The following DSCAM variants were observed in gnomAD, a reference collection of about 807,000 sequenced individuals.
DSCAM encodes cell adhesion molecule DSCAM.
In DSCAM, 47 loss-of-function variants were observed where a neutral mutation model predicts 217.7. The observed-to-expected ratio is 0.22, with a 90% confidence interval of 0.17 to 0.28. The LOEUF (loss-of-function observed/expected upper bound fraction) is 0.28. DSCAM is among the 10% of genes least tolerant of loss of function. DSCAM has a pLI of 1.00. For synonymous variants in DSCAM, 1,056 were observed against 1,015.3 expected, an observed-to-expected ratio of 1.04 and a Z score of -0.76; for missense variants, 2,080 against 2,618.3, an observed-to-expected ratio of 0.79 and a Z score of 4.49.
chr21:40,432,752 A>C (rs1293343548), intron 3 of DSCAM, among the ~76,000 whole-genome samples: 1 of 152,162 alleles, frequency 6.6e-6, no homozygotes, highest in Non-Finnish European at 1.5e-5. Flanking sequence ...GACATGCATC[A>C]ACTTACTAAA....
chr21:40,091,470 T>C (rs1054692863), intron 21 of DSCAM, among the ~76,000 whole-genome samples: 2 of 151,984 alleles, frequency 1.3e-5, no homozygotes, highest in African/African-American at 4.8e-5. Flanking sequence ...TCTTCTCTCT[T>C]CACATAACCG....
In DSCAM at chr21:40,187,918, G is replaced by T. The variant is rs529833693; in HGVS notation, c.2623C>A (p.Arg875Ser). 2.5e-6 allele frequency: 4 copies of T among 1,613,882 alleles called. No individual in the cohort carries two copies. Among genetic ancestry groups the T allele is most frequent in the Non-Finnish European group, 3.4e-6 (4 of 1,179,928 alleles). ...CHAINSYGED[R>S]GIIQLTVQEP... is the part of the protein sequence containing the mutation. The stretch of plus-strand genomic sequence containing the variant: ...TGCACTGTGAGCTGAATTATTCCAC[G>T]GTCCTCCCCATAAGAATTAATAGCA... The change falls in exon 13 of 33, where the codon CGT becomes AGT. Residue 875 changes from arginine to serine, a missense_variant. Physicochemically the swap from Arg to Ser is moderately radical, Grantham distance 110. Coordinates refer to ENST00000400454, the MANE Select transcript of DSCAM (RefSeq NM_001389.5).
chr21:40,471,577 T>G (rs978878338), intron 3 of DSCAM, among the ~76,000 whole-genome samples: 1 of 152,152 alleles, frequency 6.6e-6, no homozygotes, highest in African/African-American at 2.4e-5. Context: ...TTTTTTCTTA[T>G]TTTATTGCTG....
At chr21:40,512,727 TA>T (rs2076269521) in intron 3 of DSCAM, among the ~76,000 whole-genome samples, 1 of 151,234 alleles carries the variant, frequency 6.6e-6, no homozygotes, top group South Asian at 2.1e-4. Flanking sequence ...GCCATAAGAG[TA>T]ACAGTGCTCT....
intron 3 of DSCAM, among the ~76,000 whole-genome samples, chr21:40,509,695 A>C (rs1261149501): frequency 2.0e-5 from 3 of 152,116 alleles, no homozygotes; most frequent in Admixed American, 2.0e-4. Flanking sequence ...ATGTAATCAC[A>C]TTAAAAAACA....
chr21:40,665,706 G>A (rs2090191519), intron 3 of DSCAM, among the ~76,000 whole-genome samples: 1 of 152,160 alleles, frequency 6.6e-6, no homozygotes, highest in Non-Finnish European at 1.5e-5. Context: ...TGGCACTACT[G>A]CTCACCGTTC....
rs922168936 is a variant in DSCAM at position 40,115,635 on chromosome 21, T to C, written c.3696+8560A>G. Among the ~76,000 whole-genome samples the C allele has an allele frequency of 4.6e-5, 7 of 152,220 alleles. No homozygotes were observed. The South Asian group carries it at 1.0e-3, about 23-fold the overall frequency. Reference sequence around the variant, plus strand: ...CTCACACCAGGCAGAATGACTATTATTAGAAAGCCAAAAAATAACAGATGC... The same window carrying C: ...CTCACACCAGGCAGAATGACTATTACTAGAAAGCCAAAAAATAACAGATGC... On this transcript the variant is annotated intron_variant, in intron 20 of 32. Transcript: ENST00000400454.
At chr21:40,032,203 G>A (rs77435475) in intron 32 of DSCAM, among the ~76,000 whole-genome samples, 3,476 of 152,244 alleles carry the variant, frequency 0.023, 131 homozygotes, top group African/African-American at 0.079. Flanking sequence ...GCTGTTGTGT[G>A]GGAACTGTAT....
intron 1 of DSCAM, among the ~76,000 whole-genome samples, chr21:40,772,685 T>C (rs2091455811): frequency 6.6e-6 from 1 of 152,050 alleles, no homozygotes. Flanking sequence ...TCATACAACC[T>C]CCCCCTTCCC....
chr21:40,385,442 A>G (rs984162508), intron 3 of DSCAM: 1 of 152,228 alleles, frequency 6.6e-6, no homozygotes, highest in South Asian at 2.1e-4. Flanking sequence ...AAATGAATGA[A>G]TCAATGAATC....
chr21:40,037,399 G>C (rs1306254690), intron 32 of DSCAM, among the ~76,000 whole-genome samples: 2 of 146,628 alleles, frequency 1.4e-5, no homozygotes. Flanking sequence ...CAAATCATGA[G>C]TGAACTCCCA....
At chr21:40,832,114 C>T (rs2837845) in intron 1 of DSCAM, among the ~76,000 whole-genome samples, 110,309 of 152,110 alleles carry the variant, frequency 0.73, 40,178 homozygotes, top group East Asian at 0.77. Context: ...ATTAAAAATA[C>T]CCATTTGACT....
chr21:40,133,201 T>C (rs939638991), intron 19 of DSCAM, among the ~76,000 whole-genome samples: 3 of 152,212 alleles, frequency 2.0e-5, no homozygotes, highest in African/African-American at 7.2e-5. Context: ...CCCTCAGAGT[T>C]TCCCTTAAAA....
intron 11 of DSCAM, among the ~76,000 whole-genome samples, chr21:40,206,745 C>CA (rs201692568): frequency 0.035 from 5,245 of 147,828 alleles, 133 homozygotes; most frequent in African/African-American, 0.07. Context: ...CCCATCTCTA[C>CA]AAAAATAAAA....
chr21:40,709,533 CCT>C (rs983682526), intron 1 of DSCAM, among the ~76,000 whole-genome samples: 4 of 152,082 alleles, frequency 2.6e-5, no homozygotes, highest in Admixed American at 2.0e-4. Context: ...TGTTCCCCTC[CCT>C]GTGTCCACGT....
At position 40,095,547 on chromosome 21, in the gene DSCAM, G is replaced by C. The variant is rs189604502; in HGVS notation, c.3697-1673C>G. 2.0e-5 allele frequency among the ~76,000 whole-genome samples: 3 copies of C among 152,266 alleles called. No individual in the cohort carries two copies. The East Asian group carries it at 5.8e-4, about 29-fold the overall frequency. ...GTTGTCAGGGGCAGGGTAGGGGAAG[G>C]GGAAAATTGGGAATGACTGCTAATG... On this transcript the variant is annotated intron_variant, in intron 20 of 32. Coordinates refer to ENST00000400454, the MANE Select transcript of DSCAM (RefSeq NM_001389.5).
intron 23 of DSCAM, 69 bp downstream of exon 23, chr21:40,085,533 A>C: frequency 7.6e-7 from 1 of 1,308,530 alleles, no homozygotes; most frequent in East Asian, 2.7e-5. Context: ...AAATTTGTTC[A>C]GTGCTACTTT....
At chr21:40,455,997 G>A (rs961437929) in intron 3 of DSCAM, among the ~76,000 whole-genome samples, 3 of 152,176 alleles carry the variant, frequency 2.0e-5, no homozygotes, top group Admixed American at 2.0e-4. Flanking sequence ...TAAATGACGA[G>A]TTAATGGGTG....
intron 1 of DSCAM, among the ~76,000 whole-genome samples, chr21:40,756,258 C>T (rs1346383830): frequency 1.3e-5 from 2 of 152,214 alleles, no homozygotes; most frequent in Non-Finnish European, 2.9e-5. Flanking sequence ...GCTGCCTGCT[C>T]CCTCTTTGCC....
Sources: allele counts gnomAD v4.1 joint callset (sites outside exome capture counted in the v4.1 genomes callset), GRCh38; gene constraint gnomAD v4.1.1; transcripts MANE v1.5; gene names NCBI Gene and HGNC (gene_info 2026-07-23, HGNC 2026-07-21).